Variants in BMPER observed in about 807,000 individuals in gnomAD.
BMPER encodes the protein BMP-binding endothelial regulator protein.
In BMPER, 45 loss-of-function variants were observed where a neutral mutation model predicts 87.3. The observed-to-expected ratio is 0.52, with a 90% CI of 0.41 to 0.66. The LOEUF (loss-of-function observed/expected upper bound fraction) is 0.66, where lower values mean the gene tolerates loss of function less well. Ranked by LOEUF, BMPER falls within the 30% of genes least tolerant of loss-of-function variation. The pLI is 0.00. For missense variants in BMPER, 784 were observed against 867.5 expected, an observed-to-expected ratio of 0.90 and a Z score of 1.21; for synonymous variants, 326 against 316.2, an observed-to-expected ratio of 1.03 and a Z score of -0.33.
chr7:33,924,611 A>G (rs1175516487), intron 2 of BMPER, among the ~76,000 whole-genome samples: 1 of 152,028 alleles, frequency 6.6e-6, no homozygotes, highest in African/African-American at 2.4e-5. Context: ...TCCTTCCTTC[A>G]CTGAGGTGTA....
intron 13 of BMPER, among the ~76,000 whole-genome samples, chr7:34,125,559 T>C (rs1249704353): frequency 6.6e-6 from 1 of 152,224 alleles, no homozygotes; most frequent in African/African-American, 2.4e-5. Flanking sequence ...TTCATGCTTA[T>C]GAAATGCTAG....
At chr7:33,914,315 A>G (rs1016797396) in intron 2 of BMPER, among the ~76,000 whole-genome samples, 3 of 152,186 alleles carry the variant, frequency 2.0e-5, no homozygotes, top group African/African-American at 7.2e-5. Flanking sequence ...CACCTTTAAA[A>G]AGTGCACCAA....
At chr7:34,015,844 G>A (rs774197130) in intron 6 of BMPER, among the ~76,000 whole-genome samples, 11 of 151,854 alleles carry the variant, frequency 7.2e-5, no homozygotes, top group East Asian at 3.9e-4. Flanking sequence ...AGATCTGAGC[G>A]TGTGCCTCCA....
intron 13 of BMPER, among the ~76,000 whole-genome samples, chr7:34,142,679 T>C (rs1790904037): frequency 6.6e-6 from 1 of 152,222 alleles, no homozygotes; most frequent in South Asian, 2.1e-4. Context: ...TTCTAAGATA[T>C]TACAGAAGTG....
intron 13 of BMPER, among the ~76,000 whole-genome samples, chr7:34,130,846 G>A (rs1790565118): frequency 6.6e-6 from 1 of 152,210 alleles, no homozygotes; most frequent in African/African-American, 2.4e-5. Flanking sequence ...GGGGGAGGAA[G>A]AACACCCCAG....
At chr7:34,046,282 C>CTT (rs370794922) in intron 6 of BMPER, 24 bp from the exon 7 acceptor site, 3 of 1,588,398 alleles carry the variant, frequency 1.9e-6, no homozygotes, top group Non-Finnish European at 2.6e-6. Context: ...TCTAAATATG[C>CTT]TTTTTTTTTC....
intron 6 of BMPER, among the ~76,000 whole-genome samples, chr7:34,013,807 C>G (rs1032868044): frequency 6.6e-6 from 1 of 151,888 alleles, no homozygotes. Flanking sequence ...AACCTTCCCC[C>G]TATGAGTTAT....
chr7:33,930,987 G>T (rs1374513488), intron 2 of BMPER, among the ~76,000 whole-genome samples: 1 of 152,176 alleles, frequency 6.6e-6, no homozygotes, highest in Admixed American at 6.5e-5. Flanking sequence ...TTGGGTCTTT[G>T]GTTGCTGCCA....
chr7:34,115,947 C>G (rs564875446), intron 13 of BMPER, among the ~76,000 whole-genome samples: 2 of 152,136 alleles, frequency 1.3e-5, no homozygotes, highest in Non-Finnish European at 2.9e-5. Flanking sequence ...GCGTTCTGAG[C>G]GTTCTGATTT....
chr7:33,950,269 G>A lies in BMPER; in HGVS notation c.319+12881G>A, dbSNP rs148802765. On this transcript the variant is annotated intron_variant, in intron 3 of 14. Coordinates refer to ENST00000649409, the MANE Select transcript of BMPER (RefSeq NM_001365308.1). The stretch of plus-strand genomic sequence containing the variant: ...GTCTCCCTGATGTCTCATATGCAAA[G>A]TGCCTGACAGCCATATCAGAATGGG... Among the ~76,000 whole-genome samples the A allele has an allele frequency of 7.2e-3, 1,104 of 152,296 alleles. 8 individuals carry two copies. The highest frequency in any genetic ancestry group is 0.01 in the Non-Finnish European group (694 of 68,026).
chr7:33,940,902 ATATTACATATT>A (rs1252158498), intron 3 of BMPER, among the ~76,000 whole-genome samples: 1 of 136,144 alleles, frequency 7.3e-6, no homozygotes, highest in Admixed American at 7.7e-5. Context: ...GAATTTATAT[ATATTACATATT>A]GTATATATTT....
chr7:34,054,724 C>G (rs915696923), intron 8 of BMPER, among the ~76,000 whole-genome samples: 1 of 152,184 alleles, frequency 6.6e-6, no homozygotes, highest in Non-Finnish European at 1.5e-5. Flanking sequence ...CTTTTACCCT[C>G]TGACCAAAGA....
At chr7:34,055,029 A>T in intron 8 of BMPER, 134 bp from the exon 9 acceptor site, 1 of 1,267,408 alleles carries the variant, frequency 7.9e-7, no homozygotes, top group Non-Finnish European at 1.1e-6. Context: ...TGAAAGATTT[A>T]TTGCAATAAA....
At chr7:34,011,439 TG>T (rs1786871503) in intron 6 of BMPER, among the ~76,000 whole-genome samples, 1 of 151,670 alleles carries the variant, frequency 6.6e-6, no homozygotes, top group Non-Finnish European at 1.5e-5. Context: ...AAGCATATTT[TG>T]TATATGCAAA....
At position 34,055,268 on chromosome 7, in the gene BMPER, A is replaced by C. The variant is rs779619532; in HGVS notation, c.892A>C (p.Ile298Leu). The change falls in exon 9 of 15, where the codon ATC (isoleucine) becomes CTC (leucine). Residue 298 changes from isoleucine (I) to leucine (L), a missense_variant. Coordinates refer to ENST00000649409, the MANE Select transcript of BMPER (RefSeq NM_001365308.1). The stretch of plus-strand genomic sequence containing the variant: ...CCTCCTACGAGTGCCCCCAGAAGAC[A>C]TCAAAGTATGCAAATTTGGCAACAA... The part of the protein sequence containing the change: ...ECLLRVPPED[I>L]KVCKFGNKIF... The C allele has an allele frequency of 6.2e-7, 1 of 1,614,180 alleles. No homozygotes were observed. The highest frequency in any genetic ancestry group is 8.5e-7 in the Non-Finnish European group (1 of 1,180,030).
chr7:34,061,946 C>A (rs1231197292), intron 10 of BMPER, 56 bp from the exon 11 acceptor site: 6 of 1,029,378 alleles, frequency 5.8e-6, no homozygotes, highest in East Asian at 2.5e-5. Context: ...CCTCAGGAGA[C>A]CCTGTTTTTT....
intron 7 of BMPER, among the ~76,000 whole-genome samples, chr7:34,047,815 CTCACT>C (rs1379509633): frequency 0.017 from 2,475 of 146,388 alleles, 5 homozygotes; most frequent in Middle Eastern, 0.028. Flanking sequence ...TCCTTTCTTC[CTCACT>C]TTCCTACTTT....
At chr7:34,109,081 A>T (rs1227936512) in intron 13 of BMPER, among the ~76,000 whole-genome samples, 1 of 152,230 alleles carries the variant, frequency 6.6e-6, no homozygotes, top group East Asian at 1.9e-4. Flanking sequence ...CTGCAGGATG[A>T]GTTGGCGAGC....
intron 13 of BMPER, among the ~76,000 whole-genome samples, chr7:34,094,009 G>T (rs1377437155): frequency 6.6e-6 from 1 of 152,166 alleles, no homozygotes; most frequent in Non-Finnish European, 1.5e-5. Flanking sequence ...ACTCATTCCA[G>T]GTCGCCTGCG....
Sources: gnomAD v4.1 joint callset for allele counts (sites outside exome capture counted in the v4.1 genomes callset) on GRCh38, gnomAD v4.1.1 for gene constraint, MANE v1.5 for transcripts, NCBI Gene and HGNC (gene_info 2026-07-23, HGNC 2026-07-21) for gene names.